The following DNER variants were observed in gnomAD, a reference collection of about 807,000 sequenced individuals.
DNER encodes the protein delta/notch like EGF repeat containing.
In DNER, 33 loss-of-function variants were observed where a neutral mutation model predicts 78.2. That is an observed-to-expected ratio of 0.42 (90% CI 0.32 to 0.56). The LOEUF (loss-of-function observed/expected upper bound fraction) is 0.56, where lower values mean the gene tolerates loss of function less well. Ranked by LOEUF, DNER falls within the 20% of genes least tolerant of loss-of-function variation. The probability of loss-of-function intolerance (pLI) is 0.11; values close to 1 mark genes in which losing one functional copy is unlikely to be tolerated. For missense variants in DNER, 918 were observed against 975.3 expected, an observed-to-expected ratio of 0.94 and a Z score of 0.78; for synonymous variants, 417 against 384.8, an observed-to-expected ratio of 1.08 and a Z score of -0.98.
intron 7 of DNER, among the ~76,000 whole-genome samples, chr2:229,461,236 C>A (rs1694693569): frequency 6.6e-6 from 1 of 152,038 alleles, no homozygotes; most frequent in Non-Finnish European, 1.5e-5. Context: ...AAAGAGTTTT[C>A]AATTCAATCT....
chr2:229,495,939 C>G (rs1695492106), intron 6 of DNER, among the ~76,000 whole-genome samples: 1 of 152,218 alleles, frequency 6.6e-6, no homozygotes, highest in Non-Finnish European at 1.5e-5. Context: ...GGTGGGTGGT[C>G]AGTCTAATAA....
intron 8 of DNER, among the ~76,000 whole-genome samples, chr2:229,444,019 A>G (rs1694288699): frequency 6.6e-6 from 1 of 152,182 alleles, no homozygotes; most frequent in South Asian, 2.1e-4. Context: ...CTCTGCTTTG[A>G]GACTGCTGAA....
intron 1 of DNER, among the ~76,000 whole-genome samples, chr2:229,704,292 C>A (rs1278879274): frequency 1.3e-5 from 2 of 152,224 alleles, no homozygotes; most frequent in Non-Finnish European, 2.9e-5. Context: ...AACACTTTGG[C>A]AGCATCTTCT....
chr2:229,600,280 T>C (rs1201933637), intron 1 of DNER, among the ~76,000 whole-genome samples: 1 of 152,250 alleles, frequency 6.6e-6, no homozygotes, highest in Non-Finnish European at 1.5e-5. Context: ...ACACCAGCAG[T>C]TGAGTACTGA....
chr2:229,372,417 G>C (rs1692504856), intron 11 of DNER, among the ~76,000 whole-genome samples: 1 of 152,218 alleles, frequency 6.6e-6, no homozygotes, highest in African/African-American at 2.4e-5. Context: ...AGAGCAGAGG[G>C]GAGACTGCAC....
At chr2:229,394,500 G>A (rs1693089526) in intron 10 of DNER, among the ~76,000 whole-genome samples, 1 of 152,246 alleles carries the variant, frequency 6.6e-6, no homozygotes, top group Non-Finnish European at 1.5e-5. Flanking sequence ...TGCAGGAGCT[G>A]AGAGACCAAG....
chr2:229,447,660 T>C (rs1694368776), intron 7 of DNER, 120 bp from the exon 8 acceptor site: 2 of 1,113,444 alleles, frequency 1.8e-6, no homozygotes, highest in Non-Finnish European at 2.6e-6. Context: ...CTTCCAGATA[T>C]GTCACAACCC....
rs187025920 is a variant in DNER, at chr2:229,575,025, C to T, written c.847+10833G>A. Among the ~76,000 whole-genome samples the T allele has an allele frequency of 2.7e-3, 416 of 152,062 alleles. 3 individuals carry two copies. The highest frequency in any genetic ancestry group is 3.4e-3 in the Middle Eastern group (1 of 294). On this transcript the variant is annotated intron_variant, in intron 4 of 12. Transcript: ENST00000341772. ...TAATCGAATTCCACAGACAAGATTTCGGTTAAAATTCATTATTATTAAGGG... is the reference window on the plus strand; with the variant it reads ...TAATCGAATTCCACAGACAAGATTTTGGTTAAAATTCATTATTATTAAGGG...
intron 4 of DNER, among the ~76,000 whole-genome samples, chr2:229,553,594 T>A (rs1388708654): frequency 1.3e-5 from 2 of 152,154 alleles, no homozygotes; most frequent in Non-Finnish European, 2.9e-5. Flanking sequence ...GAAACTGACA[T>A]GTCCGGCCTG....
In DNER at chr2:229,385,131, A is replaced by T. The variant is rs185407035; in HGVS notation, c.1855+3134T>A. ...AAAAAAAAAAAAGCTTATCCACCAC[A>T]ATCAAGTTGGCTTCATCCCTAGGAT... On this transcript the variant is annotated intron_variant, in intron 11 of 12. Coordinates refer to ENST00000341772, the MANE Select transcript of DNER (RefSeq NM_139072.4). Among the ~76,000 whole-genome samples, 486 of 151,588 alleles carry T rather than the reference A, an allele frequency of 3.2e-3. 3 individuals are homozygous for T. The highest frequency in any genetic ancestry group is 5.7e-3 in the Non-Finnish European group (388 of 67,784).
chr2:229,523,169 G>A (rs1414988921), intron 5 of DNER, among the ~76,000 whole-genome samples: 1 of 152,182 alleles, frequency 6.6e-6, no homozygotes, highest in Non-Finnish European at 1.5e-5. Context: ...GGTAGCCCTG[G>A]GTTCCAGCCC....
intron 3 of DNER, among the ~76,000 whole-genome samples, chr2:229,588,068 A>G (rs902948612): frequency 6.6e-6 from 1 of 152,226 alleles, no homozygotes; most frequent in Non-Finnish European, 1.5e-5. Flanking sequence ...TAAAATCTTA[A>G]GAGGCCAATA....
chr2:229,455,523 C>T (rs1403779510), intron 7 of DNER, among the ~76,000 whole-genome samples: 1 of 151,984 alleles, frequency 6.6e-6, no homozygotes, highest in East Asian at 1.9e-4. Context: ...TGTATGAATC[C>T]CACAGGGTCA....
At chr2:229,492,539 C>T (rs778499681) in intron 6 of DNER, among the ~76,000 whole-genome samples, 1 of 152,200 alleles carries the variant, frequency 6.6e-6, no homozygotes, top group Non-Finnish European at 1.5e-5. Flanking sequence ...GCCTGCATTC[C>T]GGTTTCCCCC....
chr2:229,540,695 G>A (rs1559161216), intron 5 of DNER, among the ~76,000 whole-genome samples: 1 of 152,184 alleles, frequency 6.6e-6, no homozygotes, highest in Non-Finnish European at 1.5e-5. Flanking sequence ...AATTCCAAAG[G>A]TAGGAAGAGA....
At chr2:229,625,324 C>A (rs1358297320) in intron 1 of DNER, among the ~76,000 whole-genome samples, 1 of 152,144 alleles carries the variant, frequency 6.6e-6, no homozygotes, top group East Asian at 1.9e-4. Context: ...TCCATCTAAT[C>A]CCACACTTTC....
chr2:229,699,434 C>T (rs953638372), intron 1 of DNER, among the ~76,000 whole-genome samples: 1 of 152,172 alleles, frequency 6.6e-6, no homozygotes, highest in Non-Finnish European at 1.5e-5. Flanking sequence ...GGCTGGATTT[C>T]AGCTCACTGC....
intron 10 of DNER, among the ~76,000 whole-genome samples, chr2:229,403,665 C>A (rs892139671): frequency 5.9e-5 from 9 of 152,104 alleles, no homozygotes; most frequent in Admixed American, 5.9e-4. Flanking sequence ...CAGTGAGTCC[C>A]ACTGCGCCCT....
At chr2:229,668,528 GTGTGTGTGTA>G (rs1386025291) in intron 1 of DNER, among the ~76,000 whole-genome samples, 150 of 49,542 alleles carry the variant, frequency 3.0e-3, no homozygotes, top group South Asian at 8.2e-3. Flanking sequence ...GTGTGTGTGT[GTGTGTGTGTA>G]TATATATATA....
Sources: allele counts gnomAD v4.1 joint callset (sites outside exome capture counted in the v4.1 genomes callset), GRCh38; gene constraint gnomAD v4.1.1; transcripts MANE v1.5; gene names NCBI Gene and HGNC (gene_info 2026-07-23, HGNC 2026-07-21).